Variants in SULT2A1 observed in about 807,000 individuals in gnomAD.
The protein encoded by SULT2A1 is sulfotransferase family 2A member 1.
In SULT2A1, 43 loss-of-function variants were observed where a neutral mutation model predicts 33.9. The observed-to-expected ratio is 1.27, with a 90% confidence interval of 1.00 to 1.64. SULT2A1 has a LOEUF of 1.64. SULT2A1 is among the 40% of genes most tolerant of loss of function. The pLI, the probability that SULT2A1 is intolerant of heterozygous loss-of-function variation, is 0.00. For synonymous variants in SULT2A1, 125 were observed against 113.6 expected, an observed-to-expected ratio of 1.10 and a Z score of -0.64; for missense variants, 300 against 335.1, an observed-to-expected ratio of 0.90 and a Z score of 0.82.
At chr19:47,875,773 TAA>T (rs1382759780) in intron 4 of SULT2A1, among the ~76,000 whole-genome samples, 13 of 152,120 alleles carry the variant, frequency 8.5e-5, no homozygotes, top group African/African-American at 2.9e-4. Context: ...TCGGGTTTCC[TAA>T]GAGACGTTTA....
At chr19:47,883,034 C>G (rs1318232789) in intron 2 of SULT2A1, among the ~76,000 whole-genome samples, 1 of 152,044 alleles carries the variant, frequency 6.6e-6, no homozygotes, top group African/African-American at 2.4e-5. Context: ...TTGTGATCAC[C>G]CCTCTGCCCC....
intron 4 of SULT2A1, 83 bp from the exon 5 acceptor site, chr19:47,874,917 T>C: frequency 8.1e-7 from 1 of 1,236,566 alleles, no homozygotes; most frequent in South Asian, 1.4e-5. Context: ...ATCCCAGCAC[T>C]CTGGGAGGCT....
chr19:47,884,530 G>A (rs915107218), intron 1 of SULT2A1, among the ~76,000 whole-genome samples: 3 of 147,324 alleles, frequency 2.0e-5, no homozygotes, highest in Non-Finnish European at 4.5e-5. Flanking sequence ...CCAGGCTAGA[G>A]TGCAGTGGTG....
chr19:47,875,623 G>A (rs2122145030), intron 4 of SULT2A1, among the ~76,000 whole-genome samples: 1 of 152,226 alleles, frequency 6.6e-6, no homozygotes, highest in South Asian at 2.1e-4. Context: ...GGGCGTTGGA[G>A]TGAGACCCTG....
chr19:47,874,540 G>GGAA (rs1968523795), intron 5 of SULT2A1, 117 bp downstream of exon 5: 1 of 560,240 alleles, frequency 1.8e-6, no homozygotes, highest in African/African-American at 4.7e-5. Context: ...ACTTCATCTC[G>GGAA]GAAAAAAAAA....
chr19:47,872,980 T>G (rs1477999281), intron 5 of SULT2A1, among the ~76,000 whole-genome samples: 1 of 152,094 alleles, frequency 6.6e-6, no homozygotes, highest in Non-Finnish European at 1.5e-5. Flanking sequence ...CAGGCTGGTC[T>G]CGAACTCCTG....
chr19:47,881,907 G>A (rs938027284), intron 3 of SULT2A1, among the ~76,000 whole-genome samples, 177 bp downstream of exon 3: 12 of 151,970 alleles, frequency 7.9e-5, no homozygotes, highest in African/African-American at 2.9e-4. Flanking sequence ...GCAAGCTGAG[G>A]GGCCGGCTAG....
At chr19:47,877,221 A>C (rs1426521504) in intron 4 of SULT2A1, among the ~76,000 whole-genome samples, 1 of 88,846 alleles carries the variant, frequency 1.1e-5, no homozygotes, top group African/African-American at 3.6e-5. Context: ...TTTATGTGAG[A>C]TATCACTAAT....
At chr19:47,884,268 T>G (rs1207863122) in intron 1 of SULT2A1, among the ~76,000 whole-genome samples, 4 of 150,380 alleles carry the variant, frequency 2.7e-5, no homozygotes. Flanking sequence ...GCATCCCGGG[T>G]TCATGCCATT....
In SULT2A1 at chr19:47,870,728, C is replaced by T. The variant is rs1600025115; in HGVS notation, c.*727G>A. On this transcript the variant is annotated 3_prime_UTR_variant, in exon 6 of 6. Transcript: ENST00000222002. ...CCTTTTAGGTAGTACGTACATTATT[C>T]TTGTAGCATTCTGTAAACGGGAAAC... 1 of 147,720 alleles carries T rather than the reference C, an allele frequency of 6.8e-6. No individual in the cohort carries two copies. The highest frequency in any genetic ancestry group is 2.4e-5 in the African/African-American group (1 of 41,136). 9.2% of individuals were successfully genotyped at this position (147,720 alleles called of 1,614,324 possible). A position where few individuals can be genotyped will look rare whatever the true frequency, so the allele number is the denominator to read the frequency against.
intron 4 of SULT2A1, among the ~76,000 whole-genome samples, chr19:47,875,184 GACAAT>G (rs1968532174): frequency 8.4e-6 from 1 of 119,124 alleles, no homozygotes; most frequent in African/African-American, 3.1e-5. Context: ...AAAAAAAAAA[GACAAT>G]AGAAAAAAGT....
In SULT2A1 at chr19:47,883,601, C is replaced by G. The variant is rs758904710; in HGVS notation, c.321G>C (p.Lys107Asn). ...CCTTGGCCTTGGAACTGAAGAAAGACTTGGGGAATAACTGGATGGGGAGGT... is the reference window on the plus strand; with the variant it reads ...CCTTGGCCTTGGAACTGAAGAAAGAGTTGGGGAATAACTGGATGGGGAGGT... The part of the protein sequence containing the change: ...SSHLPIQLFP[K>N]SFFSSKAKVI... Residue 107 changes from lysine to asparagine, a missense_variant, in exon 2 of 6, where the codon AAG becomes AAC. By Grantham distance (94) the Lys-to-Asn change is moderately conservative (BLOSUM62 0). Coordinates refer to ENST00000222002, the MANE Select transcript of SULT2A1 (RefSeq NM_003167.4). The G allele has an allele frequency of 1.2e-6, 2 of 1,613,906 alleles. No individual in the cohort carries two copies. The highest frequency in any genetic ancestry group is 1.7e-5 in the Admixed American group (1 of 59,952).
chr19:47,878,984 G>A, intron 4 of SULT2A1, 52 bp downstream of exon 4: 1 of 1,142,528 alleles, frequency 8.8e-7, no homozygotes, highest in Non-Finnish European at 1.3e-6. Flanking sequence ...TTTAAGGAAA[G>A]TAAGGATGGT....
Position 47,874,792 on chromosome 19 carries a change from T to G in SULT2A1, c.610A>C (p.Lys204Gln), listed in dbSNP as rs748785131. ...TTCAGTTCTTCGGGTTCTAACGTCT[T>G]TCCCAGGAATTGACAGATCTTCTCT... ...TIEKICQFLGKTLEPEELNLI... is the reference protein window; with the variant it reads ...TIEKICQFLGQTLEPEELNLI... The change falls in exon 5 of 6, where the codon AAG (lysine) becomes CAG (glutamine). Residue 204 changes from lysine (K) to glutamine (Q), a missense_variant. Lys to Gln is a moderately conservative substitution (Grantham distance 53). Transcript: ENST00000222002. The G allele has an allele frequency of 6.2e-7, 1 of 1,614,126 alleles. No individual in the cohort carries two copies. Among genetic ancestry groups the G allele is most frequent in the East Asian group, 2.2e-5 (1 of 44,874 alleles).
At chr19:47,880,187 A>G (rs1200864628) in intron 3 of SULT2A1, among the ~76,000 whole-genome samples, 1 of 138,416 alleles carries the variant, frequency 7.2e-6, no homozygotes, top group East Asian at 2.4e-4. Flanking sequence ...CAGTGAGCTG[A>G]GATCGCGCCA....
At chr19:47,876,063 T>A (rs1171047025) in intron 4 of SULT2A1, among the ~76,000 whole-genome samples, 1 of 152,234 alleles carries the variant, frequency 6.6e-6, no homozygotes, top group Non-Finnish European at 1.5e-5. Flanking sequence ...TCGCCCAGGC[T>A]GGAGTGCAGT....
intron 5 of SULT2A1, among the ~76,000 whole-genome samples, chr19:47,873,647 G>T (rs1416376828): frequency 8.6e-5 from 9 of 105,160 alleles, no homozygotes; most frequent in Non-Finnish European, 1.2e-4. Context: ...TTTTTGAGAC[G>T]GAGTCTTGCT....
At chr19:47,880,298 T>G (rs1968591417) in intron 3 of SULT2A1, among the ~76,000 whole-genome samples, 1 of 146,458 alleles carries the variant, frequency 6.8e-6, no homozygotes, top group Non-Finnish European at 1.5e-5. Context: ...TCAGATCTCG[T>G]GAAAACTCAC....
At chr19:47,881,381 A>G (rs1346517297) in intron 3 of SULT2A1, among the ~76,000 whole-genome samples, 2 of 151,992 alleles carry the variant, frequency 1.3e-5, no homozygotes, top group Admixed American at 6.6e-5. Flanking sequence ...TATGTTGGCC[A>G]GGTTGGTCTC....
Sources: gnomAD v4.1 joint callset for allele counts (sites outside exome capture counted in the v4.1 genomes callset) on GRCh38, gnomAD v4.1.1 for gene constraint, MANE v1.5 for transcripts, NCBI Gene and HGNC (gene_info 2026-07-23, HGNC 2026-07-21) for gene names.